The following CMKLR1 variants were observed in gnomAD, a reference collection of about 807,000 sequenced individuals.
CMKLR1 encodes the protein chemerin chemokine-like receptor 1.
CMKLR1 carries 6 observed loss-of-function variants against 8.2 expected under a neutral mutation model. That is an observed-to-expected ratio of 0.73 (90% CI 0.40 to 1.44). The LOEUF is 1.44. CMKLR1 is among the 40% of genes most tolerant of loss of function. The pLI is 0.02. For missense variants in CMKLR1, 429 were observed against 478.0 expected, an observed-to-expected ratio of 0.90 and a Z score of 0.96; for synonymous variants, 178 against 181.2, an observed-to-expected ratio of 0.98 and a Z score of 0.14.
rs558233067 is a variant in CMKLR1, at chr12:108,309,771, G to T, written c.-73-16107C>A. Reference sequence around the variant, plus strand: ...TCCACAGTCCCCACCCCTCCCTATTGTTCCCTGGGGTAATAAGCCAGTTGC... The same window carrying T: ...TCCACAGTCCCCACCCCTCCCTATTTTTCCCTGGGGTAATAAGCCAGTTGC... On this transcript the variant is annotated intron_variant, in intron 2 of 3. Transcript: ENST00000550402. Among the ~76,000 whole-genome samples, 23 of 152,232 alleles carry T rather than the reference G, an allele frequency of 1.5e-4. No individual in the cohort carries two copies. In the East Asian group the frequency reaches 2.5e-3, roughly 17 times the overall value.
At chr12:108,304,707 C>T (rs1211511670) in intron 2 of CMKLR1, among the ~76,000 whole-genome samples, 1 of 152,210 alleles carries the variant, frequency 6.6e-6, no homozygotes, top group Non-Finnish European at 1.5e-5. Context: ...TTCTCCACCT[C>T]CTGCACACCG....
chr12:108,305,591 C>G (rs1566021819), intron 2 of CMKLR1, among the ~76,000 whole-genome samples: 1 of 152,212 alleles, frequency 6.6e-6, no homozygotes, highest in Non-Finnish European at 1.5e-5. Context: ...AGGATGGCTC[C>G]AGAGACACCT....
rs191600208 is a variant in CMKLR1, at chr12:108,290,296, G to A, written c.*1545C>T. 2.0e-5 allele frequency: 3 copies of A among 152,276 alleles called. No homozygotes were observed. Among genetic ancestry groups the A allele is most frequent in the Admixed American group, 2.0e-4 (3 of 15,306 alleles). The allele number at this position is 152,276 out of a possible 1,614,324, so 9.4% of individuals were successfully genotyped here. A position where few individuals can be genotyped will look rare whatever the true frequency, so the allele number is the denominator to read the frequency against. On this transcript the variant is annotated 3_prime_UTR_variant, in exon 4 of 4. Transcript: ENST00000550402. ...CAGGCAAACTGAAGTTCAAATCCAA[G>A]CTCCGGCAGAGACTAGCTGGGTACC...
intron 2 of CMKLR1, among the ~76,000 whole-genome samples, chr12:108,303,983 C>T (rs1891343386): frequency 6.6e-6 from 1 of 152,216 alleles, no homozygotes; most frequent in African/African-American, 2.4e-5. Flanking sequence ...TCTCTGCAGC[C>T]TCCCCCTAAC....
rs1385528794 is a variant in CMKLR1, at chr12:108,291,656, A to G, written c.*185T>C. ...AGTCCAAGGCTGTATGGAACACAGC[A>G]TGTTCTGTCCACTAGAAGAAAGGGG... On this transcript the variant is annotated 3_prime_UTR_variant, in exon 4 of 4. Transcript: ENST00000550402. 1.1e-4 allele frequency: 69 copies of G among 652,640 alleles called. 1 individual carries two copies. The East Asian group carries it at 1.8e-3, about 17-fold the overall frequency. 40.4% of individuals were successfully genotyped at this position (652,640 alleles called of 1,614,324 possible).
At chr12:108,328,461 G>A (rs1435750743) in intron 2 of CMKLR1, among the ~76,000 whole-genome samples, 1 of 152,204 alleles carries the variant, frequency 6.6e-6, no homozygotes, top group East Asian at 1.9e-4. Flanking sequence ...TCTTCGTAAA[G>A]TTGAGGAAAC....
At chr12:108,312,545 G>A (rs889185967) in intron 2 of CMKLR1, among the ~76,000 whole-genome samples, 5 of 152,210 alleles carry the variant, frequency 3.3e-5, no homozygotes, top group Non-Finnish European at 7.3e-5. Flanking sequence ...GGCATACTCA[G>A]TGCCTCCACT....
intron 3 of CMKLR1, among the ~76,000 whole-genome samples, chr12:108,293,386 C>T (rs1051437169): frequency 3.3e-5 from 5 of 152,140 alleles, no homozygotes; most frequent in Admixed American, 1.3e-4. Flanking sequence ...GTGGGGGAGA[C>T]AATTGTTCAT....
At chr12:108,334,754 C>A (rs1247794532) in intron 1 of CMKLR1, among the ~76,000 whole-genome samples, 1 of 152,172 alleles carries the variant, frequency 6.6e-6, no homozygotes, top group African/African-American at 2.4e-5. Flanking sequence ...AGCTGTGTGA[C>A]CTTAGGCAAG....
At chr12:108,293,121 C>A (rs1016693087) in intron 3 of CMKLR1, among the ~76,000 whole-genome samples, 162 bp from the exon 4 acceptor site, 1 of 152,178 alleles carries the variant, frequency 6.6e-6, no homozygotes, top group Non-Finnish European at 1.5e-5. Context: ...ACAAATGCCT[C>A]TCTGGTACCT....
chr12:108,316,450 G>A lies in CMKLR1; in HGVS notation c.-74+13545C>T, dbSNP rs567123378. The stretch of plus-strand genomic sequence containing the variant: ...CAGCAGGAAGAGGAGAGACGCACAG[G>A]GACTGGAAAAAGGAGGACAGAGCGG... On this transcript the variant is annotated intron_variant, in intron 2 of 3. Transcript: ENST00000550402. Among the ~76,000 whole-genome samples, 14 of 152,254 alleles carry A rather than the reference G, an allele frequency of 9.2e-5. No individual in the cohort carries two copies. In the South Asian group the frequency reaches 2.7e-3, roughly 29 times the overall value.
intron 1 of CMKLR1, among the ~76,000 whole-genome samples, chr12:108,331,306 T>G (rs1242674319): frequency 6.6e-6 from 1 of 152,154 alleles, no homozygotes; most frequent in Non-Finnish European, 1.5e-5. Flanking sequence ...GGTTCATAAG[T>G]GCAGGGACGT....
At chr12:108,330,911 G>C (rs1034809387) in intron 1 of CMKLR1, among the ~76,000 whole-genome samples, 1 of 152,132 alleles carries the variant, frequency 6.6e-6, no homozygotes, top group African/African-American at 2.4e-5. Flanking sequence ...GAGCCTTCCA[G>C]GTCAAACACA....
intron 2 of CMKLR1, among the ~76,000 whole-genome samples, chr12:108,294,871 C>A (rs1891089953): frequency 6.6e-6 from 1 of 152,200 alleles, no homozygotes; most frequent in Non-Finnish European, 1.5e-5. Flanking sequence ...AAATTCATTA[C>A]TGATCCTTCC....
intron 2 of CMKLR1, among the ~76,000 whole-genome samples, chr12:108,324,060 AC>A (rs1891924804): frequency 6.6e-6 from 1 of 152,020 alleles, no homozygotes; most frequent in South Asian, 2.1e-4. Flanking sequence ...CAGCAGGGAG[AC>A]CCCAGAGTTT....
intron 2 of CMKLR1, among the ~76,000 whole-genome samples, chr12:108,307,037 C>T (rs971410662): frequency 6.6e-5 from 10 of 152,188 alleles, no homozygotes; most frequent in Admixed American, 5.9e-4. Context: ...CCGCCCCAGC[C>T]CCTGGAGCTG....
At chr12:108,301,655 C>T (rs1452750390) in intron 2 of CMKLR1, among the ~76,000 whole-genome samples, 1 of 152,212 alleles carries the variant, frequency 6.6e-6, no homozygotes, top group East Asian at 1.9e-4. Flanking sequence ...TTAGAAATGT[C>T]GTCACAGACT....
chr12:108,310,438 A>G (rs544140429), intron 2 of CMKLR1, among the ~76,000 whole-genome samples: 12 of 152,112 alleles, frequency 7.9e-5, no homozygotes, highest in Non-Finnish European at 1.6e-4. Flanking sequence ...TGAACTGAGG[A>G]TCCTTCTGCC....
intron 1 of CMKLR1, among the ~76,000 whole-genome samples, chr12:108,334,101 A>G (rs1185824903): frequency 6.6e-6 from 1 of 152,254 alleles, no homozygotes; most frequent in African/African-American, 2.4e-5. Flanking sequence ...CACGTAACCA[A>G]TCAGGGCCTC....
Sources: gnomAD v4.1 joint callset for allele counts (sites outside exome capture counted in the v4.1 genomes callset) on GRCh38, gnomAD v4.1.1 for gene constraint, MANE v1.5 for transcripts, NCBI Gene and HGNC (gene_info 2026-07-23, HGNC 2026-07-21) for gene names.